FOXP2: variants seen among roughly 807,000 people sequenced by gnomAD.
FOXP2 encodes the protein forkhead box P2, also known as forkhead box protein P2.
FOXP2 carries 12 observed loss-of-function variants against 115.8 expected under a neutral mutation model. The observed-to-expected ratio is 0.10, with a 90% confidence interval of 0.07 to 0.17. FOXP2 has a LOEUF of 0.17. Ranked by LOEUF, FOXP2 falls within the 10% of genes least tolerant of loss-of-function variation. FOXP2 has a pLI of 1.00. For missense variants in FOXP2, 629 were observed against 843.5 expected (o/e 0.75, Z 3.15); for synonymous variants, 328 against 297.7 (o/e 1.10, Z -1.05).
At chr7:114,453,136 G>C (rs73434180) in intron 2 of FOXP2, among the ~76,000 whole-genome samples, 2,767 of 152,210 alleles carry the variant, frequency 0.018, 92 homozygotes, top group African/African-American at 0.062. Context: ...GATGTGAACT[G>C]TGACTAATAT....
upstream of FOXP2, among the ~76,000 whole-genome samples, chr7:114,162,127 C>A (rs918835286): frequency 6.6e-6 from 1 of 151,966 alleles, no homozygotes; most frequent in Non-Finnish European, 1.5e-5. Context: ...GCAGAAAATA[C>A]CCATTATTGG....
At chr7:114,191,098 A>G (rs538970494) in intron 1 of FOXP2, among the ~76,000 whole-genome samples, 434 of 152,292 alleles carry the variant, frequency 2.8e-3, no homozygotes, top group Non-Finnish European at 4.7e-3. Context: ...TAACTCACGT[A>G]TTAGCATTCT....
In FOXP2 at chr7:114,644,356, T is replaced by G. The variant is rs1054595112; in HGVS notation, c.990-329T>G. On this transcript the variant is annotated intron_variant, in intron 7 of 16. Transcript: ENST00000350908. ...TCTTGAAAATAAAGGTTTTTTTCAC[T>G]TGACCACATATGAATATACATTTTT... 2.6e-5 allele frequency among the ~76,000 whole-genome samples: 4 copies of G among 152,230 alleles called. No individual in the cohort carries two copies. In the South Asian group the frequency reaches 6.2e-4, roughly 24 times the overall value.
At chr7:114,263,126 A>G (rs959066181) in intron 1 of FOXP2, among the ~76,000 whole-genome samples, 13 of 152,092 alleles carry the variant, frequency 8.5e-5, no homozygotes, top group African/African-American at 3.1e-4. Context: ...TCCATTGTCA[A>G]TCCTTTTGTC....
intron 3 of FOXP2, among the ~76,000 whole-genome samples, chr7:114,619,042 G>C (rs1417088453): frequency 6.6e-6 from 1 of 152,112 alleles, no homozygotes; most frequent in Non-Finnish European, 1.5e-5. Context: ...TAAACAGCTT[G>C]AACAAAGTGA....
At chr7:114,148,349 A>G (rs1022697341) in intron 1 of FOXP2, among the ~76,000 whole-genome samples, 5 of 152,144 alleles carry the variant, frequency 3.3e-5, no homozygotes, top group African/African-American at 1.2e-4. Context: ...TTCTTTCTAA[A>G]AACTTTCTTT....
At chr7:114,328,720 T>C (rs1445697969) in intron 2 of FOXP2, among the ~76,000 whole-genome samples, 1 of 152,216 alleles carries the variant, frequency 6.6e-6, no homozygotes, top group Non-Finnish European at 1.5e-5. Flanking sequence ...ATTACCTTTA[T>C]ACTGAAATAC....
At chr7:114,144,316 A>G (rs1302955112) in intron 1 of FOXP2, among the ~76,000 whole-genome samples, 5 of 152,082 alleles carry the variant, frequency 3.3e-5, no homozygotes, top group Non-Finnish European at 7.4e-5. Context: ...TACAAATTAA[A>G]CTATATAGTT....
chr7:114,642,963 C>G (rs6953159), intron 7 of FOXP2, among the ~76,000 whole-genome samples: 1 of 150,860 alleles, frequency 6.6e-6, no homozygotes, highest in Non-Finnish European at 1.5e-5. Context: ...CGCCCGCCCC[C>G]ACGCCTGGCT....
At chr7:114,132,582 T>TGTGTGTGTGTGAGAGAGA (rs1554419465) in intron 1 of FOXP2, among the ~76,000 whole-genome samples, 4 of 55,996 alleles carry the variant, frequency 7.1e-5, no homozygotes, top group African/African-American at 3.1e-4. Flanking sequence ...TGTGTGTGTG[T>TGTGTGTGTGTGAGAGAGA]GAGAGAGAGA....
At chr7:114,592,478 C>G (rs1454457926) in intron 3 of FOXP2, among the ~76,000 whole-genome samples, 1 of 151,980 alleles carries the variant, frequency 6.6e-6, no homozygotes, top group Non-Finnish European at 1.5e-5. Context: ...TATATCTCCT[C>G]TTTGCCTTTC....
intron 1 of FOXP2, among the ~76,000 whole-genome samples, chr7:114,098,169 TA>T (rs961726186): frequency 6.0e-4 from 91 of 152,312 alleles, no homozygotes; most frequent in African/African-American, 1.9e-3. Flanking sequence ...GGGGAGACGA[TA>T]AGCCTGGAGA....
chr7:114,462,519 G>A (rs907128915), intron 2 of FOXP2, among the ~76,000 whole-genome samples: 5 of 150,876 alleles, frequency 3.3e-5, no homozygotes, highest in South Asian at 2.1e-4. Context: ...CTACAGGCAC[G>A]TGCCACCACG....
intron 3 of FOXP2, among the ~76,000 whole-genome samples, chr7:114,574,193 CTTG>C (rs1187842439): frequency 2.0e-5 from 3 of 151,626 alleles, no homozygotes; most frequent in Non-Finnish European, 4.4e-5. Flanking sequence ...ATTTTATCTA[CTTG>C]TTGTATTTGA....
At chr7:114,654,654 C>G (rs926189887) in intron 10 of FOXP2, among the ~76,000 whole-genome samples, 20 of 152,192 alleles carry the variant, frequency 1.3e-4, no homozygotes, top group African/African-American at 3.1e-4. Context: ...ATAATGTAGT[C>G]AGATACACAG....
At chr7:114,286,875 A>G (rs1188726021) in intron 1 of FOXP2, among the ~76,000 whole-genome samples, 1 of 152,030 alleles carries the variant, frequency 6.6e-6, no homozygotes, top group Admixed American at 6.6e-5. Context: ...GTGATTGTTA[A>G]TTGGCCCTGG....
intron 2 of FOXP2, among the ~76,000 whole-genome samples, chr7:114,462,772 C>G (rs938591652): frequency 2.6e-4 from 40 of 152,312 alleles, no homozygotes; most frequent in African/African-American, 9.1e-4. Flanking sequence ...ATAGCTTTCT[C>G]TGTAAGAGTA....
At chr7:114,416,622 T>G (rs552844656) in intron 1 of FOXP2, among the ~76,000 whole-genome samples, 1 of 152,072 alleles carries the variant, frequency 6.6e-6, no homozygotes, top group Non-Finnish European at 1.5e-5. Context: ...TATTTTCGAT[T>G]GTTCCTTATC....
chr7:114,224,071 G>A (rs1203576916), intron 1 of FOXP2, among the ~76,000 whole-genome samples: 1 of 151,852 alleles, frequency 6.6e-6, no homozygotes, highest in Non-Finnish European at 1.5e-5. Context: ...AATGATTTGG[G>A]CACCGTTTTG....
Sources: allele counts gnomAD v4.1 joint callset (sites outside exome capture counted in the v4.1 genomes callset), GRCh38; gene constraint gnomAD v4.1.1; transcripts MANE v1.5; gene names NCBI Gene and HGNC (gene_info 2026-07-23, HGNC 2026-07-21).